Variants in TMEM232 observed in about 807,000 individuals in gnomAD.
TMEM232 encodes the protein transmembrane protein 232.
In TMEM232, 80 loss-of-function variants were observed where a neutral mutation model predicts 78.8. That is an observed-to-expected ratio of 1.01 (90% confidence interval 0.85 to 1.22). The LOEUF (loss-of-function observed/expected upper bound fraction) is 1.22. Among genes scored for constraint, TMEM232 ranks in the 50% most tolerant of loss-of-function variants. The pLI is 0.00. For synonymous variants in TMEM232, 297 were observed against 254.3 expected (o/e 1.17, Z -1.60); for missense variants, 881 against 742.2 (o/e 1.19, Z -2.17).
At chr5:110,701,635 C>G (rs146669393) in intron 1 of TMEM232, among the ~76,000 whole-genome samples, 57 of 151,920 alleles carry the variant, frequency 3.8e-4, no homozygotes, top group African/African-American at 1.3e-3. Flanking sequence ...ACCAATAGAC[C>G]CTGTCAGTAA....
In TMEM232 at chr5:110,406,320, A is replaced by G. The variant is rs147564599; in HGVS notation, n.309-8466T>C. Among the ~76,000 whole-genome samples the G allele has an allele frequency of 3.1e-3, 453 of 148,284 alleles. 1 individual carries two copies. The highest frequency in any genetic ancestry group is 5.0e-3 in the Non-Finnish European group (332 of 66,204). On this transcript the variant is annotated intron_variant and non_coding_transcript_variant, in intron 2 of 8. Transcript: ENST00000507188. ...CACACACACACATATGTGTCTATAT[A>G]TAATATTTTCTGTATCTATTCATGT...
chr5:110,484,448 G>A (rs564942800), intron 12 of TMEM232, among the ~76,000 whole-genome samples: 25 of 151,998 alleles, frequency 1.6e-4, no homozygotes, highest in Non-Finnish European at 3.1e-4. Context: ...AGAAAAAAAT[G>A]AAAAATGGCA....
intron 2 of TMEM232, among the ~76,000 whole-genome samples, chr5:110,644,365 A>G (rs1304049655): frequency 2.0e-5 from 3 of 151,920 alleles, no homozygotes; most frequent in East Asian, 3.8e-4. Flanking sequence ...TAATTTTTAT[A>G]ATATCATTAG....
intron 12 of TMEM232, among the ~76,000 whole-genome samples, chr5:110,476,514 T>C (rs761447226): frequency 5.9e-5 from 9 of 152,054 alleles, no homozygotes; most frequent in Non-Finnish European, 1.3e-4. Context: ...TTTGTTATGG[T>C]ATCCCTAGCC....
At chr5:110,628,743 G>T (rs1389474738) in intron 5 of TMEM232, 1 of 150,220 alleles carries the variant, frequency 6.7e-6, no homozygotes, top group African/African-American at 2.5e-5. Context: ...ATCATGTAAT[G>T]ATATACATGT....
At chr5:110,410,964 T>A (rs1417085694) in intron 2 of TMEM232, among the ~76,000 whole-genome samples, 5 of 152,174 alleles carry the variant, frequency 3.3e-5, no homozygotes, top group African/African-American at 1.2e-4. Flanking sequence ...ATGTTAAGAA[T>A]CCTTTCTGAA....
chr5:110,735,431 C>T (rs895861673), intron 1 of TMEM232, among the ~76,000 whole-genome samples: 3 of 152,064 alleles, frequency 2.0e-5, no homozygotes, highest in African/African-American at 4.8e-5. Flanking sequence ...TACTAAGGAA[C>T]AAAGTAAAAA....
At chr5:110,415,957 A>C (rs927642444), downstream of TMEM232, among the ~76,000 whole-genome samples, 1 of 152,200 alleles carries the variant, frequency 6.6e-6, no homozygotes, top group Non-Finnish European at 1.5e-5. Flanking sequence ...AATGTTTTGA[A>C]AAGACATTTT....
At chr5:110,640,489 T>G (rs981659570) in intron 4 of TMEM232, among the ~76,000 whole-genome samples, 1 of 152,128 alleles carries the variant, frequency 6.6e-6, no homozygotes, top group Admixed American at 6.6e-5. Flanking sequence ...GAGTAAAGCT[T>G]GCTATTTAAA....
intron 12 of TMEM232, among the ~76,000 whole-genome samples, chr5:110,465,048 T>TGAGA (rs1255093045): frequency 4.6e-5 from 7 of 152,332 alleles, no homozygotes; most frequent in Admixed American, 4.6e-4. Context: ...CAAAGAAAGC[T>TGAGA]GAGATGGTCT....
At chr5:110,608,838 G>C (rs896339524) in intron 8 of TMEM232, among the ~76,000 whole-genome samples, 1 of 152,014 alleles carries the variant, frequency 6.6e-6, no homozygotes, top group African/African-American at 2.4e-5. Flanking sequence ...TACAGCACTA[G>C]CTTCTTTGTG....
Position 110,528,601 on chromosome 5 carries a change from G to A in TMEM232, c.1690C>T (p.His564Tyr), listed in dbSNP as rs1336249374. 4.6e-6 allele frequency: 7 copies of A among 1,530,466 alleles called. No homozygotes were observed. Among genetic ancestry groups the A allele is most frequent in the Non-Finnish European group, 5.2e-6 (6 of 1,144,192 alleles). The allele number at this position is 1,530,466 out of a possible 1,614,324, so 94.8% of individuals were successfully genotyped here. A position where few individuals can be genotyped will look rare whatever the true frequency, so the allele number is the denominator to read the frequency against. The change falls in exon 12 of 14, where the codon CAT becomes TAT. Residue 564 changes from histidine (H) to tyrosine (Y), a missense_variant. Physicochemically the swap from His to Tyr is moderately conservative, Grantham distance 83. Coordinates refer to ENST00000455884, the MANE Select transcript of TMEM232 (RefSeq NM_001039763.4). The part of the protein sequence containing the change: ...KLESVKKQVL[H>Y]FTVREHPSVS... The stretch of plus-strand genomic sequence containing the variant: ...ACTTCTCTTTACCTTACAGTGAAAT[G>A]TAGAACTTGCTTTTTCACAGACTCC...
chr5:110,493,731 CA>C (rs1029581834), intron 12 of TMEM232, among the ~76,000 whole-genome samples: 1 of 151,752 alleles, frequency 6.6e-6, no homozygotes, highest in African/African-American at 2.4e-5. Flanking sequence ...AGTACAGACA[CA>C]TATTTTTTAT....
At chr5:110,629,541 CT>C (rs1360998055) in intron 5 of TMEM232, among the ~76,000 whole-genome samples, 3 of 152,072 alleles carry the variant, frequency 2.0e-5, no homozygotes, top group Admixed American at 2.0e-4. Flanking sequence ...ACAACTCAAG[CT>C]TTGCCTCCTA....
At chr5:110,426,256 AT>A in intron 12 of TMEM232, among the ~76,000 whole-genome samples, 1 of 151,992 alleles carries the variant, frequency 6.6e-6, no homozygotes, top group East Asian at 1.9e-4. Flanking sequence ...TCAAGTTGTA[AT>A]TTTACATTTA....
At chr5:110,490,595 A>G (rs10067777) in intron 12 of TMEM232, among the ~76,000 whole-genome samples, 11,557 of 152,132 alleles carry the variant, frequency 0.076, 539 homozygotes, top group South Asian at 0.19. Context: ...AAGACTCTAC[A>G]CTTCTTTAAT....
At chr5:110,542,478 G>A (rs1029549280) in intron 11 of TMEM232, among the ~76,000 whole-genome samples, 10 of 152,082 alleles carry the variant, frequency 6.6e-5, no homozygotes, top group African/African-American at 2.2e-4. Flanking sequence ...CAGGTGCACA[G>A]ACACCATCTT....
At chr5:110,678,501 A>C (rs1256542129) in intron 1 of TMEM232, among the ~76,000 whole-genome samples, 2 of 152,174 alleles carry the variant, frequency 1.3e-5, no homozygotes, top group Non-Finnish European at 2.9e-5. Flanking sequence ...CATGTGTTAT[A>C]ATTGGTAAAT....
chr5:110,655,733 G>T (rs1313717621), intron 2 of TMEM232, among the ~76,000 whole-genome samples: 2 of 151,806 alleles, frequency 1.3e-5, no homozygotes, highest in Non-Finnish European at 2.9e-5. Context: ...GCCATAAAAA[G>T]TGATGAGTTC....
Sources: allele counts gnomAD v4.1 joint callset (sites outside exome capture counted in the v4.1 genomes callset), GRCh38; gene constraint gnomAD v4.1.1; transcripts MANE v1.5; gene names NCBI Gene and HGNC (gene_info 2026-07-23, HGNC 2026-07-21).